The following TAFA5 variants were observed in gnomAD, a reference collection of about 807,000 sequenced individuals.
The protein encoded by TAFA5 is TAFA chemokine like family member 5.
In TAFA5, 6 loss-of-function variants were observed where a neutral mutation model predicts 15.3. The observed-to-expected ratio is 0.39, with a 90% CI of 0.21 to 0.77. TAFA5 has a LOEUF of 0.77. Among genes scored for constraint, TAFA5 ranks in the 30% least tolerant of loss-of-function variants. The pLI is 0.41. For synonymous variants in TAFA5, 103 were observed against 80.7 expected, an observed-to-expected ratio of 1.28 and a Z score of -1.48; for missense variants, 161 against 193.1, an observed-to-expected ratio of 0.83 and a Z score of 0.98.
At chr22:48,579,773 A>G (rs1044468349) in intron 1 of TAFA5, among the ~76,000 whole-genome samples, 1 of 152,222 alleles carries the variant, frequency 6.6e-6, no homozygotes, top group Admixed American at 6.5e-5. Flanking sequence ...AAATACTTCA[A>G]AGAGGAAGGA....
chr22:48,707,590 TG>T, intron 2 of TAFA5, 126 bp from the exon 3 acceptor site: 1 of 1,168,528 alleles, frequency 8.6e-7, no homozygotes, highest in Non-Finnish European at 1.2e-6. Context: ...TGAGGGTCCC[TG>T]GGTGGAGCCA....
chr22:48,731,897 A>G (rs557149583), intron 3 of TAFA5, among the ~76,000 whole-genome samples: 5 of 152,364 alleles, frequency 3.3e-5, no homozygotes, highest in African/African-American at 9.6e-5. Context: ...TGATAAGGCT[A>G]TAGCTGTCAT....
chr22:48,599,475 G>A (rs952340694), intron 1 of TAFA5, among the ~76,000 whole-genome samples: 1 of 152,260 alleles, frequency 6.6e-6, no homozygotes. Flanking sequence ...GTGGGCAGGT[G>A]GGCTTGAGGC....
At chr22:48,650,237 C>A (rs958614224) in intron 2 of TAFA5, among the ~76,000 whole-genome samples, 2 of 152,198 alleles carry the variant, frequency 1.3e-5, no homozygotes, top group African/African-American at 4.8e-5. Context: ...TACCGCGTTC[C>A]GTGACCACAG....
At chr22:48,519,561 CCCCTGTGGCTGCTGGG>C (rs1921533419) in intron 1 of TAFA5, among the ~76,000 whole-genome samples, 2 of 152,206 alleles carry the variant, frequency 1.3e-5, no homozygotes, top group African/African-American at 4.8e-5. Flanking sequence ...GGGTGTGGGT[CCCCTGTGGCTGCTGGG>C]CCACGAGAGA....
chr22:48,545,573 G>A (rs1177557310), intron 1 of TAFA5: 1 of 153,440 alleles, frequency 6.5e-6, no homozygotes, highest in Non-Finnish European at 1.4e-5. Context: ...TTGGTGCTGG[G>A]AGAGGTGGAG....
intron 1 of TAFA5, among the ~76,000 whole-genome samples, chr22:48,617,083 C>A (rs542943810): frequency 6.6e-6 from 1 of 152,302 alleles, no homozygotes; most frequent in African/African-American, 2.4e-5. Flanking sequence ...ATGCACTCCC[C>A]AAAAGATGTC....
intron 2 of TAFA5, among the ~76,000 whole-genome samples, chr22:48,705,317 G>C (rs1369246114): frequency 6.6e-6 from 1 of 152,152 alleles, no homozygotes; most frequent in Non-Finnish European, 1.5e-5. Context: ...TGGCAGGCAT[G>C]ACCAGCCCAT....
chr22:48,567,394 C>T (rs1923442597), intron 1 of TAFA5, among the ~76,000 whole-genome samples: 1 of 152,210 alleles, frequency 6.6e-6, no homozygotes, highest in Non-Finnish European at 1.5e-5. Flanking sequence ...TTTAAAAGGA[C>T]AATCCCCACT....
rs569500603 is a variant in TAFA5 at position 48,568,903 on chromosome 22, G to A, written c.113-77694G>A. Among the ~76,000 whole-genome samples the A allele has an allele frequency of 5.9e-5, 9 of 152,326 alleles. No individual in the cohort carries two copies. The East Asian group carries it at 1.7e-3, about 29-fold the overall frequency. The stretch of plus-strand genomic sequence containing the variant: ...TGGGGTGGGGGACGAGGGCAGATGA[G>A]GACAGAGCATCCTTTTGTGCTCACG... On this transcript the variant is annotated intron_variant, in intron 1 of 3. Transcript: ENST00000402357.
chr22:48,577,019 C>A (rs1923836525), intron 1 of TAFA5, among the ~76,000 whole-genome samples: 1 of 152,158 alleles, frequency 6.6e-6, no homozygotes, highest in African/African-American at 2.4e-5. Flanking sequence ...CGGGCTGGGA[C>A]CCGCGGACGT....
intron 1 of TAFA5, among the ~76,000 whole-genome samples, chr22:48,508,079 C>T (rs1451322871): frequency 1.3e-5 from 2 of 152,050 alleles, no homozygotes; most frequent in African/African-American, 2.4e-5. Flanking sequence ...AGAGGGGTTG[C>T]TGGGTGCTGG....
intron 1 of TAFA5, among the ~76,000 whole-genome samples, chr22:48,542,622 T>G (rs1922484148): frequency 1.1e-5 from 1 of 92,600 alleles, no homozygotes; most frequent in Non-Finnish European, 2.1e-5. Context: ...GTGTGTGTGG[T>G]GTGTGTGGGT....
intron 3 of TAFA5, among the ~76,000 whole-genome samples, chr22:48,731,473 G>A (rs1601704099): frequency 6.6e-6 from 1 of 152,360 alleles, no homozygotes; most frequent in South Asian, 2.1e-4. Context: ...TCAGTGCCTG[G>A]TTTCGAAGCA....
chr22:48,576,148 G>A (rs1397491616), intron 1 of TAFA5, among the ~76,000 whole-genome samples: 1 of 143,172 alleles, frequency 7.0e-6, no homozygotes, highest in African/African-American at 2.5e-5. Flanking sequence ...TCATGGGGCC[G>A]CGGCGGCCGC....
At chr22:48,583,322 C>T (rs1924167392) in intron 1 of TAFA5, among the ~76,000 whole-genome samples, 2 of 142,958 alleles carry the variant, frequency 1.4e-5, no homozygotes, top group African/African-American at 5.2e-5. Context: ...ACACACTATA[C>T]ACAAAATACG....
At chr22:48,736,594 G>A (rs938012962) in intron 3 of TAFA5, among the ~76,000 whole-genome samples, 5 of 152,214 alleles carry the variant, frequency 3.3e-5, no homozygotes, top group East Asian at 1.9e-4. Context: ...CCAAGTGTCC[G>A]TCAGCGGTCC....
intron 1 of TAFA5, among the ~76,000 whole-genome samples, chr22:48,515,666 G>C (rs991731631): frequency 6.6e-6 from 1 of 152,168 alleles, no homozygotes; most frequent in Non-Finnish European, 1.5e-5. Context: ...CATTGCACCC[G>C]GCCCTGCTGC....
chr22:48,576,044 C>A (rs866377962), intron 1 of TAFA5, among the ~76,000 whole-genome samples: 3 of 109,194 alleles, frequency 2.7e-5, no homozygotes, highest in South Asian at 3.2e-4. Context: ...GCCGGACCCC[C>A]CCCCCCCCCG....
Sources: allele counts gnomAD v4.1 joint callset (sites outside exome capture counted in the v4.1 genomes callset), GRCh38; gene constraint gnomAD v4.1.1; transcripts MANE v1.5; gene names NCBI Gene and HGNC (gene_info 2026-07-23, HGNC 2026-07-21).